CNTN5: variants seen among roughly 807,000 people sequenced by gnomAD.
CNTN5 encodes the protein contactin 5, also known as contactin-5.
A neutral mutation model predicts 129.1 loss-of-function variants in CNTN5; 77 were observed. The observed-to-expected ratio is 0.60, with a 90% confidence interval of 0.50 to 0.72. The LOEUF (loss-of-function observed/expected upper bound fraction) is 0.72, where lower values mean the gene tolerates loss of function less well. CNTN5 is among the 30% of genes least tolerant of loss of function. The probability of loss-of-function intolerance (pLI) is 0.00; values close to 1 mark genes in which losing one functional copy is unlikely to be tolerated. For missense variants in CNTN5, 1,478 were observed against 1,328.8 expected (o/e 1.11, Z -1.75); for synonymous variants, 509 against 465.6 (o/e 1.09, Z -1.20).
At chr11:99,970,526 T>C (rs1951220561) in intron 8 of CNTN5, among the ~76,000 whole-genome samples, 1 of 152,226 alleles carries the variant, frequency 6.6e-6, no homozygotes, top group African/African-American at 2.4e-5. Flanking sequence ...GGTACTTATC[T>C]GATAGGGTTC....
chr11:99,692,819 A>T (rs1240019709), intron 3 of CNTN5, among the ~76,000 whole-genome samples: 1 of 152,150 alleles, frequency 6.6e-6, no homozygotes, highest in Non-Finnish European at 1.5e-5. Flanking sequence ...TTGATTGACT[A>T]TAGTATACCC....
intron 1 of CNTN5, among the ~76,000 whole-genome samples, chr11:99,058,990 T>A (rs901907052): frequency 6.7e-6 from 1 of 149,588 alleles, no homozygotes; most frequent in Admixed American, 6.7e-5. Flanking sequence ...ACATATATAA[T>A]AATGTATATA....
intron 1 of CNTN5, among the ~76,000 whole-genome samples, chr11:99,161,265 G>A (rs1860598178): frequency 6.6e-6 from 1 of 152,000 alleles, no homozygotes; most frequent in African/African-American, 2.4e-5. Context: ...ATACAGTATT[G>A]AATATTAATA....
intron 2 of CNTN5, among the ~76,000 whole-genome samples, chr11:99,390,131 C>CTTTTTTTTTTTTTTTT (rs11396242): frequency 1.3e-5 from 2 of 149,124 alleles, no homozygotes; most frequent in Non-Finnish European, 1.5e-5. Context: ...TAAAATAAGC[C>CTTTTTTTTTTTTTTTT]TTTTTTTTTT....
At chr11:99,889,327 TG>T (rs1565642769) in intron 6 of CNTN5, among the ~76,000 whole-genome samples, 2,525 of 76,270 alleles carry the variant, frequency 0.033, 67 homozygotes, top group East Asian at 0.081. Flanking sequence ...TGTGTGTGTG[TG>T]TGTGTGTGTG....
intron 6 of CNTN5, among the ~76,000 whole-genome samples, chr11:99,913,581 G>A (rs773720128): frequency 3.9e-5 from 6 of 151,924 alleles, no homozygotes; most frequent in Non-Finnish European, 7.4e-5. Flanking sequence ...TTAAAAGCTG[G>A]TACAAAATAA....
At chr11:100,301,123 A>G (rs1300431552) in intron 20 of CNTN5, among the ~76,000 whole-genome samples, 1 of 151,648 alleles carries the variant, frequency 6.6e-6, no homozygotes, top group Non-Finnish European at 1.5e-5. Flanking sequence ...TTTATTGCTC[A>G]AAAGATCTAT....
chr11:100,258,517 A>C (rs1950126457), intron 17 of CNTN5, among the ~76,000 whole-genome samples: 1 of 152,216 alleles, frequency 6.6e-6, no homozygotes, highest in Non-Finnish European at 1.5e-5. Flanking sequence ...TGAAGGAAAA[A>C]ATGTTATGGG....
intron 8 of CNTN5, among the ~76,000 whole-genome samples, chr11:99,996,241 T>C (rs1419430089): frequency 6.6e-6 from 1 of 152,168 alleles, no homozygotes; most frequent in African/African-American, 2.4e-5. Context: ...TTACTATTAT[T>C]ACAGCTCAGG....
intron 2 of CNTN5, among the ~76,000 whole-genome samples, chr11:99,410,554 G>A (rs1354869925): frequency 6.6e-6 from 1 of 151,756 alleles, no homozygotes; most frequent in Non-Finnish European, 1.5e-5. Context: ...TGATTAAAGG[G>A]ACCCAAAACC....
At chr11:99,047,556 T>A (rs1864264261) in intron 1 of CNTN5, among the ~76,000 whole-genome samples, 1 of 152,136 alleles carries the variant, frequency 6.6e-6, no homozygotes, top group Non-Finnish European at 1.5e-5. Flanking sequence ...TTTGTTACAA[T>A]AATCATGTGG....
intron 7 of CNTN5, among the ~76,000 whole-genome samples, chr11:99,933,488 T>C (rs1950237608): frequency 1.3e-5 from 2 of 152,160 alleles, no homozygotes; most frequent in South Asian, 2.1e-4. Context: ...CCAGTGCTCT[T>C]CCCTTTCCAA....
intron 3 of CNTN5, among the ~76,000 whole-genome samples, chr11:99,767,238 AT>A (rs1386620208): frequency 5.3e-5 from 8 of 152,244 alleles, no homozygotes; most frequent in African/African-American, 1.7e-4. Context: ...GTGTTAAAAA[AT>A]ATTGATAAAA....
chr11:100,222,894 C>G (rs1162384278), intron 15 of CNTN5, among the ~76,000 whole-genome samples: 2 of 151,890 alleles, frequency 1.3e-5, no homozygotes, highest in Non-Finnish European at 2.9e-5. Context: ...CCCATCTTAC[C>G]CACAGTGGCA....
intron 6 of CNTN5, among the ~76,000 whole-genome samples, chr11:99,912,889 G>T (rs767240965): frequency 6.6e-6 from 1 of 151,874 alleles, no homozygotes; most frequent in African/African-American, 2.4e-5. Flanking sequence ...TTATTTCAGT[G>T]TGTAATTTGA....
chr11:100,310,496 C>T (rs1177973752), intron 21 of CNTN5, among the ~76,000 whole-genome samples: 1 of 151,770 alleles, frequency 6.6e-6, no homozygotes, highest in East Asian at 1.9e-4. Flanking sequence ...TTATGTAGAC[C>T]TATTAAGTAC....
At chr11:100,087,524 C>T (rs979513133) in intron 13 of CNTN5, among the ~76,000 whole-genome samples, 3 of 151,722 alleles carry the variant, frequency 2.0e-5, no homozygotes, top group African/African-American at 7.2e-5. Context: ...GCCAATCACC[C>T]TCATGAACAT....
chr11:100,139,667 C>T (rs541973488), intron 13 of CNTN5, among the ~76,000 whole-genome samples: 1 of 152,204 alleles, frequency 6.6e-6, no homozygotes, highest in African/African-American at 2.4e-5. Context: ...AGTTCATGAT[C>T]AGCCTGGCCA....
intron 16 of CNTN5, among the ~76,000 whole-genome samples, chr11:100,253,560 A>C (rs1950012808): frequency 6.6e-6 from 1 of 152,166 alleles, no homozygotes; most frequent in Non-Finnish European, 1.5e-5. Flanking sequence ...CAATACAGTG[A>C]GATTATCACA....
Sources: allele counts gnomAD v4.1 joint callset (sites outside exome capture counted in the v4.1 genomes callset), GRCh38; gene constraint gnomAD v4.1.1; transcripts MANE v1.5; gene names NCBI Gene and HGNC (gene_info 2026-07-23, HGNC 2026-07-21).